Variants in PALLD observed in about 807,000 individuals in gnomAD.
PALLD encodes palladin, cytoskeletal associated protein.
In PALLD, 61 loss-of-function variants were observed where a neutral mutation model predicts 123.5. That is an observed-to-expected ratio of 0.49 (90% confidence interval 0.40 to 0.61). The LOEUF is 0.61. Ranked by LOEUF, PALLD falls within the 20% of genes least tolerant of loss-of-function variation. The pLI, the probability that PALLD is intolerant of heterozygous loss-of-function variation, is 0.00. For synonymous variants in PALLD, 465 were observed against 496.4 expected (o/e 0.94, Z 0.84); for missense variants, 1,273 against 1,377.0 (o/e 0.92, Z 1.20).
chr4:168,908,102 A>G (rs1372825461), intron 15 of PALLD, among the ~76,000 whole-genome samples: 2 of 152,224 alleles, frequency 1.3e-5, no homozygotes, highest in African/African-American at 4.8e-5. Flanking sequence ...GCCACTTAGC[A>G]GTAGTAGTAT....
chr4:168,748,244 C>G (rs1209355002), intron 10 of PALLD, among the ~76,000 whole-genome samples: 1 of 152,188 alleles, frequency 6.6e-6, no homozygotes, highest in Non-Finnish European at 1.5e-5. Context: ...TCAGCATCAG[C>G]TAGGAATTTG....
intron 8 of PALLD, 139 bp downstream of exon 8, chr4:168,691,431 C>T: frequency 4.3e-6 from 3 of 698,308 alleles, no homozygotes; most frequent in Admixed American, 2.7e-5. Context: ...ATGTGAAACC[C>T]CCTTAAAAAC....
At chr4:168,544,087 A>C (rs1765906780) in intron 2 of PALLD, among the ~76,000 whole-genome samples, 1 of 152,266 alleles carries the variant, frequency 6.6e-6, no homozygotes, top group Non-Finnish European at 1.5e-5. Flanking sequence ...ATAATCTGCT[A>C]TGCCAAATGT....
intron 8 of PALLD, among the ~76,000 whole-genome samples, chr4:168,693,111 GC>G (rs1782790146): frequency 6.7e-6 from 1 of 148,912 alleles, no homozygotes; most frequent in African/African-American, 2.6e-5. Flanking sequence ...CCCGCGCCCT[GC>G]ATCTTCATCA....
At chr4:168,815,966 A>T (rs1306341189) in intron 10 of PALLD, among the ~76,000 whole-genome samples, 2 of 152,210 alleles carry the variant, frequency 1.3e-5, no homozygotes, top group Non-Finnish European at 2.9e-5. Flanking sequence ...TTGCAAGAGG[A>T]TTAAAACCTT....
At chr4:168,670,836 A>G (rs1780193665) in intron 3 of PALLD, among the ~76,000 whole-genome samples, 1 of 150,846 alleles carries the variant, frequency 6.6e-6, no homozygotes, top group South Asian at 2.1e-4. Context: ...CTGTAATCCC[A>G]GCACTTTGGG....
intron 14 of PALLD, 131 bp downstream of exon 14, chr4:168,898,845 AAT>A (rs1755833882): frequency 1.4e-6 from 1 of 735,888 alleles, no homozygotes; most frequent in African/African-American, 1.7e-5. Flanking sequence ...AAGGGTTTTA[AAT>A]ATTCTTAAGT....
intron 2 of PALLD, among the ~76,000 whole-genome samples, chr4:168,600,048 C>T (rs1254722881): frequency 6.7e-6 from 1 of 149,638 alleles, no homozygotes; most frequent in Non-Finnish European, 1.5e-5. Context: ...CATGTGTATA[C>T]ACACATATAT....
intron 10 of PALLD, among the ~76,000 whole-genome samples, chr4:168,814,544 C>T (rs544786304): frequency 2.2e-4 from 34 of 152,162 alleles, no homozygotes; most frequent in African/African-American, 6.0e-4. Context: ...GTTCATAGGA[C>T]GAAATTACTT....
chr4:168,499,358 G>A (rs1467877632), intron 1 of PALLD, among the ~76,000 whole-genome samples: 6 of 89,546 alleles, frequency 6.7e-5, no homozygotes, highest in Non-Finnish European at 1.3e-4. Context: ...GGGAGGGAGG[G>A]GGGAGGGAGG....
intron 10 of PALLD, among the ~76,000 whole-genome samples, chr4:168,890,165 A>G (rs1190636918): frequency 1.3e-5 from 2 of 152,192 alleles, no homozygotes; most frequent in African/African-American, 2.4e-5. Flanking sequence ...AGCATCCAGC[A>G]CCAATGACCC....
intron 2 of PALLD, among the ~76,000 whole-genome samples, chr4:168,630,611 T>G (rs1260335294): frequency 1.3e-5 from 2 of 152,234 alleles, no homozygotes; most frequent in Non-Finnish European, 2.9e-5. Context: ...ACGCATTTTT[T>G]GATATGGTTT....
chr4:168,877,235 A>G (rs1487805393), intron 10 of PALLD, among the ~76,000 whole-genome samples: 1 of 152,250 alleles, frequency 6.6e-6, no homozygotes, highest in African/African-American at 2.4e-5. Flanking sequence ...TATTGAATGT[A>G]GAGTTGACAG....
chr4:168,560,235 C>T lies in PALLD; in HGVS notation c.908+47823C>T, dbSNP rs1277384801. Among the ~76,000 whole-genome samples, 3 of 152,168 alleles carry T rather than the reference C, an allele frequency of 2.0e-5. No individual in the cohort carries two copies. The East Asian group carries it at 5.8e-4, about 29-fold the overall frequency. Reference sequence around the variant, plus strand: ...TAGTTCAGGTACCCTAAGTGAAGTACATGACCTCTCAAACAAGAAAACTGT... The same window carrying T: ...TAGTTCAGGTACCCTAAGTGAAGTATATGACCTCTCAAACAAGAAAACTGT... On this transcript the variant is annotated intron_variant, in intron 2 of 21. Coordinates refer to ENST00000505667, the MANE Select transcript of PALLD (RefSeq NM_001166108.2).
chr4:168,725,987 G>A (rs1393224768), intron 10 of PALLD, among the ~76,000 whole-genome samples: 1 of 152,074 alleles, frequency 6.6e-6, no homozygotes, highest in African/African-American at 2.4e-5. Flanking sequence ...TCTTCAAAGG[G>A]CATCCTCTAA....
chr4:168,853,560 C>A (rs1016378634), intron 10 of PALLD, among the ~76,000 whole-genome samples: 1 of 152,094 alleles, frequency 6.6e-6, no homozygotes, highest in Non-Finnish European at 1.5e-5. Flanking sequence ...GAAAGAGCCT[C>A]AGGAAGTGAT....
chr4:168,690,492 G>A (rs1250721938), intron 6 of PALLD, 111 bp from the exon 7 acceptor site: 1 of 1,336,428 alleles, frequency 7.5e-7, no homozygotes, highest in African/African-American at 1.4e-5. Context: ...TTTGCATTTT[G>A]TGTTTGTATC....
At chr4:168,887,780 G>T (rs1440654619) in intron 10 of PALLD, among the ~76,000 whole-genome samples, 2 of 152,178 alleles carry the variant, frequency 1.3e-5, no homozygotes, top group East Asian at 1.9e-4. Context: ...TTTACATAGG[G>T]TCTGATTTCA....
chr4:168,743,607 TA>T (rs1481314799), intron 10 of PALLD, among the ~76,000 whole-genome samples: 2 of 152,222 alleles, frequency 1.3e-5, no homozygotes, highest in Non-Finnish European at 2.9e-5. Flanking sequence ...GTAAGTAGCT[TA>T]AAGTTAAACT....
Sources: allele counts gnomAD v4.1 joint callset (sites outside exome capture counted in the v4.1 genomes callset), GRCh38; gene constraint gnomAD v4.1.1; transcripts MANE v1.5; gene names NCBI Gene and HGNC (gene_info 2026-07-23, HGNC 2026-07-21).